Variants in ERCC6L observed in about 807,000 individuals in gnomAD.
The protein encoded by ERCC6L is DNA excision repair protein ERCC-6-like.
ERCC6L carries 7 observed loss-of-function variants against 20.1 expected under a neutral mutation model. That is an observed-to-expected ratio of 0.35 (90% confidence interval 0.20 to 0.65). ERCC6L has a LOEUF of 0.65. Ranked by LOEUF, ERCC6L falls within the 30% of genes least tolerant of loss-of-function variation. ERCC6L has a pLI of 0.69. For missense variants in ERCC6L, 592 were observed against 892.4 expected, an observed-to-expected ratio of 0.66 and a Z score of 4.29; for synonymous variants, 278 against 331.3, an observed-to-expected ratio of 0.84 and a Z score of 1.75.
At chrX:72,223,635 C>T (rs1374293113) in intron 1 of ERCC6L, among the ~76,000 whole-genome samples, 1 of 110,990 alleles carries the variant, frequency 9.0e-6, no homozygotes, top group African/African-American at 3.3e-5. Context: ...GTGATCCACC[C>T]GCCTTGGCCT....
chrX:72,214,458 G>T (rs1481343021), intron 1 of ERCC6L, among the ~76,000 whole-genome samples: 2 of 111,092 alleles, frequency 1.8e-5, no homozygotes, highest in Non-Finnish European at 3.8e-5. Context: ...TGGATCACCT[G>T]AAGTCAGGAG....
chrX:72,229,603 T>G (rs1255551365), intron 1 of ERCC6L, among the ~76,000 whole-genome samples: 1 of 111,678 alleles, frequency 9.0e-6, no homozygotes, highest in Non-Finnish European at 1.9e-5. Flanking sequence ...CTGTTCTTTT[T>G]GTGTGGCACC....
Position 72,208,609 on chromosome X carries a change from T to C in ERCC6L, c.158A>G (p.Asn53Ser), listed in dbSNP as rs2042834860. 1 of 1,211,493 alleles carries C rather than the reference T, an allele frequency of 8.3e-7. No homozygotes were observed. Among genetic ancestry groups the C allele is most frequent in the Non-Finnish European group, 1.1e-6 (1 of 895,294 alleles). The part of the protein sequence containing the change: ...LFNLAKDIFP[N>S]EKVLSRIQKI... Reference sequence around the variant, plus strand: ...TTGGATTCTGCTCAGCACTTTTTCATTGGGAAAAATGTCCTTTGCCAAATT... The same window carrying C: ...TTGGATTCTGCTCAGCACTTTTTCACTGGGAAAAATGTCCTTTGCCAAATT... Residue 53 changes from asparagine to serine, a missense_variant, in exon 2 of 2, where the codon AAT becomes AGT. By Grantham distance (46) the Asn-to-Ser change is conservative (BLOSUM62 1). Transcript: ENST00000334463.
At chrX:72,224,712 T>C (rs1244017853) in intron 1 of ERCC6L, among the ~76,000 whole-genome samples, 2 of 111,351 alleles carry the variant, frequency 1.8e-5, no homozygotes, top group Non-Finnish European at 3.8e-5. Flanking sequence ...GCCATTGTAC[T>C]CCAGCCTGGG....
At chrX:72,215,072 A>C (rs1231435473) in intron 1 of ERCC6L, among the ~76,000 whole-genome samples, 1 of 112,401 alleles carries the variant, frequency 8.9e-6, no homozygotes, top group African/African-American at 3.2e-5. Flanking sequence ...AAACTACTAC[A>C]TGTATGAATT....
chrX:72,211,007 T>C (rs1039901947), intron 1 of ERCC6L, among the ~76,000 whole-genome samples: 2 of 112,195 alleles, frequency 1.8e-5, no homozygotes, highest in African/African-American at 6.5e-5. Context: ...TAAATGCTTT[T>C]AATAGCACTG....
At chrX:72,236,050 T>C (rs746907628) in intron 1 of ERCC6L, among the ~76,000 whole-genome samples, 65 of 112,400 alleles carry the variant, frequency 5.8e-4, no homozygotes, top group African/African-American at 2.0e-3. Context: ...CAATGAACTA[T>C]AGGTCCCAAC....
chrX:72,220,914 G>A (rs773732888), intron 1 of ERCC6L, among the ~76,000 whole-genome samples: 10 of 111,659 alleles, frequency 9.0e-5, no homozygotes, highest in Non-Finnish European at 1.9e-4. Context: ...CAGGTGCTGG[G>A]GGCAGAGGCT....
At chrX:72,229,117 T>A (rs893967632) in intron 1 of ERCC6L, among the ~76,000 whole-genome samples, 2 of 111,560 alleles carry the variant, frequency 1.8e-5, no homozygotes, top group African/African-American at 6.5e-5. Context: ...GACTCTCCCA[T>A]TAAAGGGCCT....
chrX:72,228,535 AAAGG>A (rs1328488132), intron 1 of ERCC6L, among the ~76,000 whole-genome samples: 4 of 111,626 alleles, frequency 3.6e-5, no homozygotes, highest in African/African-American at 1.3e-4. Flanking sequence ...TCTTGGAAGA[AAAGG>A]AAGAGAAATT....
At position 72,207,146 on chromosome X, in the gene ERCC6L, C is replaced by T. The variant is rs746226184; in HGVS notation, c.1621G>A (p.Val541Ile). ...VFLLTTQVGGVGLTLTAATRV... is the reference protein window; with the variant it reads ...VFLLTTQVGGIGLTLTAATRV... ...GTTGCTGCAGTTAATGTTAAACCGACACCACCTACTTGAGTGGTAAGCAGA... is the reference window on the plus strand; with the variant it reads ...GTTGCTGCAGTTAATGTTAAACCGATACCACCTACTTGAGTGGTAAGCAGA... Residue 541 changes from valine to isoleucine, a missense_variant, in exon 2 of 2, where the codon GTC becomes ATC. Val to Ile is a conservative substitution (Grantham distance 29). This residue lies in a region of ERCC6L where 196 missense variants were observed against 440.1 expected (regional missense o/e 0.45). Coordinates refer to ENST00000334463, the MANE Select transcript of ERCC6L (RefSeq NM_017669.4). 6 of 1,211,435 alleles carry T rather than the reference C, an allele frequency of 5.0e-6. No individual in the cohort carries two copies. Among genetic ancestry groups the T allele is most frequent in the South Asian group, 1.8e-5 (1 of 56,845 alleles).
In ERCC6L at chrX:72,207,819, G is replaced by A. The variant is rs2042829296; in HGVS notation, c.948C>T (p.Asn316=). Residue 316 remains asparagine (N), a synonymous_variant, in exon 2 of 2, where the codon AAC becomes AAT. Coordinates refer to ENST00000334463, the MANE Select transcript of ERCC6L (RefSeq NM_017669.4). ...EKALGFKISE[N]LMAIIKPYFL... is the part of the protein sequence containing the mutation. ...AATAGGGTTTTATGATTGCCATTAAGTTTTCAGATATTTTAAATCCCAAGG... is the reference window on the plus strand; with the variant it reads ...AATAGGGTTTTATGATTGCCATTAAATTTTCAGATATTTTAAATCCCAAGG... The A allele has an allele frequency of 8.3e-7, 1 of 1,205,793 alleles. No homozygotes were observed. The highest frequency in any genetic ancestry group is 1.8e-5 in the African/African-American group (1 of 56,739).
rs1569489515 is a variant in ERCC6L at position 72,205,269 on chromosome X, A to C, written c.3498T>G (p.Ser1166Arg). 1 of 1,212,158 alleles carries C rather than the reference A, an allele frequency of 8.2e-7. No individual in the cohort carries two copies. Among genetic ancestry groups the C allele is most frequent in the East Asian group, 3.0e-5 (1 of 33,855 alleles). The change falls in exon 2 of 2, where the codon AGT (serine) becomes AGG (arginine). Residue 1166 changes from serine (S) to arginine (R), a missense_variant. By Grantham distance (110) the Ser-to-Arg change is moderately radical. Around this residue, in one of 3 missense-constraint regions of ERCC6L, gnomAD observed 352 missense variants for 402.6 expected, o/e 0.87. Transcript: ENST00000334463. ...CAAGAGAGGTCTCTTGAGCTAGAGC[A>C]CTAGGCTTAGACGTCATTAACCAGC... Reference protein sequence around the residue: ...KSSWLMTSKPSALAQETSLGA... With the variant: ...KSSWLMTSKPRALAQETSLGA...
In ERCC6L at chrX:72,208,391, A is replaced by C. The variant is rs190982446; in HGVS notation, c.376T>G (p.Leu126Val). 5.4e-5 allele frequency: 65 copies of C among 1,210,058 alleles called. No homozygotes were observed. In the Admixed American group the frequency reaches 1.4e-3, roughly 26 times the overall value. ...KGGILADDMG[L>V]GKTVQIIAFL... ...GCAATGATTTGAACAGTCTTCCCTA[A>C]TCCCATATCATCAGCCAATATACCA... Residue 126 changes from leucine to valine, a missense_variant, in exon 2 of 2, where the codon TTA becomes GTA. Physicochemically the swap from Leu to Val is conservative, Grantham distance 32. Coordinates refer to ENST00000334463, the MANE Select transcript of ERCC6L (RefSeq NM_017669.4).
At chrX:72,232,518 C>T (rs1056983797) in intron 1 of ERCC6L, among the ~76,000 whole-genome samples, 2 of 104,722 alleles carry the variant, frequency 1.9e-5, no homozygotes, top group African/African-American at 7.1e-5. Flanking sequence ...TAGAAAATCA[C>T]GACTTTGCAG....
chrX:72,228,282 T>A (rs970837274), intron 1 of ERCC6L, among the ~76,000 whole-genome samples: 8 of 112,207 alleles, frequency 7.1e-5, no homozygotes, highest in African/African-American at 2.6e-4. Flanking sequence ...GGAAATTAAT[T>A]TTATGTTCAA....
chrX:72,209,130 A>G (rs1327398106), intron 1 of ERCC6L, among the ~76,000 whole-genome samples: 2 of 111,012 alleles, frequency 1.8e-5, no homozygotes, highest in Non-Finnish European at 3.8e-5. Flanking sequence ...CTTTCACGAG[A>G]TTCCTATAGA....
intron 1 of ERCC6L, among the ~76,000 whole-genome samples, chrX:72,236,876 A>G (rs960057770): frequency 1.8e-5 from 2 of 112,374 alleles, no homozygotes; most frequent in African/African-American, 6.5e-5. Flanking sequence ...ATACACACGC[A>G]CACACATCTT....
At chrX:72,234,164 G>A (rs1322777222) in intron 1 of ERCC6L, among the ~76,000 whole-genome samples, 3 of 111,905 alleles carry the variant, frequency 2.7e-5, no homozygotes, top group African/African-American at 6.5e-5. Context: ...GTATTTCAGC[G>A]TGAAATGTCA....
Sources: allele counts gnomAD v4.1 joint callset (sites outside exome capture counted in the v4.1 genomes callset), GRCh38; gene constraint gnomAD v4.1.1; regional missense constraint gnomAD v4.1.1; transcripts MANE v1.5; gene names NCBI Gene and HGNC (gene_info 2026-07-23, HGNC 2026-07-21).